Variants in CEP162 observed in about 807,000 individuals in gnomAD.
CEP162 encodes centrosomal protein 162, also known as centrosomal protein of 162 kDa.
A neutral mutation model predicts 169.2 loss-of-function variants in CEP162; 141 were observed. That is an observed-to-expected ratio of 0.83 (90% CI 0.73 to 0.96). The LOEUF (loss-of-function observed/expected upper bound fraction) is 0.96. Among genes scored for constraint, CEP162 ranks in the 40% least tolerant of loss-of-function variants. CEP162 has a pLI of 0.00. For synonymous variants in CEP162, 540 were observed against 526.4 expected, an observed-to-expected ratio of 1.03 and a Z score of -0.35; for missense variants, 1,600 against 1,587.2, an observed-to-expected ratio of 1.01 and a Z score of -0.14.
intron 10 of CEP162, 43 bp from the exon 11 acceptor site, chr6:84,193,733 G>A (rs1227647754): frequency 1.6e-6 from 2 of 1,265,764 alleles, no homozygotes; most frequent in African/African-American, 3.0e-5. Context: ...ATGTTATGTA[G>A]GTTGCTTAAT....
intron 9 of CEP162, among the ~76,000 whole-genome samples, chr6:84,197,427 T>C (rs889710668): frequency 6.6e-6 from 1 of 151,890 alleles, no homozygotes; most frequent in African/African-American, 2.4e-5. Context: ...TGAAAAGGGG[T>C]TCCTTATCTG....
chr6:84,134,728 T>C (rs564782541), intron 25 of CEP162, among the ~76,000 whole-genome samples: 1 of 152,230 alleles, frequency 6.6e-6, no homozygotes, highest in East Asian at 1.9e-4. Context: ...GTTGGAAATG[T>C]AGAAATCACT....
At chr6:84,194,150 T>A (rs2099541066) in intron 10 of CEP162, among the ~76,000 whole-genome samples, 1 of 151,684 alleles carries the variant, frequency 6.6e-6, no homozygotes. Flanking sequence ...AGGTCAGGAG[T>A]TCGAGAGCAG....
At chr6:84,196,079 C>G (rs2099542001) in intron 9 of CEP162, among the ~76,000 whole-genome samples, 1 of 152,116 alleles carries the variant, frequency 6.6e-6, no homozygotes, top group South Asian at 2.1e-4. Flanking sequence ...TCCCTATTAG[C>G]CTTCTGATAT....
rs530716294 is a variant in CEP162 at position 84,128,695 on chromosome 6, C to CT, written c.3871-2184dup. ...TGCACAGTTCCTAGTAAACATTAAA[C>CT]TTTTTTTTTTAAGTTATACTTTGTT... On this transcript the variant is annotated intron_variant, in intron 25 of 26. Transcript: ENST00000403245. Among the ~76,000 whole-genome samples, 955 of 149,548 alleles carry CT rather than the reference C, an allele frequency of 6.4e-3. 4 individuals are homozygous for CT. The highest frequency in any genetic ancestry group is 0.022 in the African/African-American group (914 of 40,846).
chr6:84,226,402 A>AT lies in CEP162; in HGVS notation c.-10dup. On this transcript the variant is annotated 5_prime_UTR_variant, in exon 2 of 27. The change abolishes the stop of an existing upstream ORF in the 5' untranslated region. Transcript: ENST00000403245. ...TGGGAACAGTTAGCCATAGTCAACA[A>AT]TTTTGACCTCCCAAAGTAAACATTC... 1 of 1,562,998 alleles carries AT rather than the reference A, an allele frequency of 6.4e-7. No homozygotes were observed. The highest frequency in any genetic ancestry group is 8.7e-7 in the Non-Finnish European group (1 of 1,149,816).
Position 84,224,676 on chromosome 6 carries a change from A to G in CEP162, c.57+1661T>C, listed in dbSNP as rs371923540. Among the ~76,000 whole-genome samples, 36 of 152,286 alleles carry G rather than the reference A, an allele frequency of 2.4e-4. 1 individual carries two copies. The South Asian group carries it at 7.2e-3, about 31-fold the overall frequency. ...GAAAAGTTAGCATGACTCTAAAATC[A>G]TGACTTTCACAGTAAAAAAAAAATG... On this transcript the variant is annotated intron_variant, in intron 2 of 26. Transcript: ENST00000403245.
intron 21 of CEP162, among the ~76,000 whole-genome samples, chr6:84,155,789 A>G (rs886739085): frequency 1.4e-4 from 21 of 152,318 alleles, no homozygotes; most frequent in African/African-American, 5.1e-4. Flanking sequence ...TAGTGTAGTT[A>G]AAATGACCAT....
At chr6:84,178,816 C>G (rs1247857374) in intron 13 of CEP162, among the ~76,000 whole-genome samples, 1 of 152,176 alleles carries the variant, frequency 6.6e-6, no homozygotes, top group Non-Finnish European at 1.5e-5. Context: ...CCGCTCCCCC[C>G]AACCCCACGA....
rs1415158141 is a variant in CEP162 at position 84,195,084 on chromosome 6, A to G, written c.836-9T>C. The G allele has an allele frequency of 6.5e-7, 1 of 1,549,290 alleles. No homozygotes were observed. Among genetic ancestry groups the G allele is most frequent in the East Asian group, 2.3e-5 (1 of 43,970 alleles). On this transcript the variant is annotated splice_polypyrimidine_tract_variant and intron_variant, in intron 9 of 26. Transcript: ENST00000403245. The stretch of plus-strand genomic sequence containing the variant: ...TTGTCCATAAGAAACACCTGTTGAA[A>G]TAAACGTAATCACCAGAAATAATTA...
At chr6:84,198,764 T>C (rs927614033) in intron 9 of CEP162, among the ~76,000 whole-genome samples, 1 of 152,312 alleles carries the variant, frequency 6.6e-6, no homozygotes, top group African/African-American at 2.4e-5. Flanking sequence ...AAATGTGCTA[T>C]GTACTATATA....
At chr6:84,156,328 C>G (rs982060893) in intron 21 of CEP162, among the ~76,000 whole-genome samples, 1 of 152,070 alleles carries the variant, frequency 6.6e-6, no homozygotes, top group Admixed American at 6.6e-5. Context: ...GGATTTATGA[C>G]CAAGTCTCCA....
chr6:84,201,654 G>C, intron 8 of CEP162, 83 bp downstream of exon 8: 1 of 676,672 alleles, frequency 1.5e-6, no homozygotes, highest in Non-Finnish European at 2.5e-6. Flanking sequence ...AACACAGATA[G>C]TGACTCATTC....
Position 84,194,974 on chromosome 6 carries a change from T to G in CEP162, c.937A>C (p.Ser313Arg). 1.2e-6 allele frequency: 2 copies of G among 1,613,634 alleles called. No homozygotes were observed. The highest frequency in any genetic ancestry group is 1.7e-6 in the Non-Finnish European group (2 of 1,179,662). ...LGDEDKQKIE[S>R]NTVEDIKSSV... The stretch of plus-strand genomic sequence containing the variant: ...CTCTTGATATCTTCCACTGTGTTAC[T>G]CTCAATTTTTTGTTTGTCTTCATCT... Residue 313 changes from serine to arginine, a missense_variant, in exon 10 of 27, where the codon AGT becomes CGT. Ser to Arg is a moderately radical substitution (Grantham distance 110). Transcript: ENST00000403245.
chr6:84,131,505 ACTTG>A (rs2099511413), intron 25 of CEP162, among the ~76,000 whole-genome samples: 2 of 152,084 alleles, frequency 1.3e-5, no homozygotes, highest in Admixed American at 6.6e-5. Context: ...GTCTCTAAGG[ACTTG>A]CTTTATGAAT....
chr6:84,131,060 T>C (rs2099511162), intron 25 of CEP162, among the ~76,000 whole-genome samples: 1 of 152,236 alleles, frequency 6.6e-6, no homozygotes, highest in South Asian at 2.1e-4. Flanking sequence ...GTCATGTCTT[T>C]GTTCTCACTG....
chr6:84,134,296 G>T (rs967114002), intron 25 of CEP162, among the ~76,000 whole-genome samples: 1 of 152,176 alleles, frequency 6.6e-6, no homozygotes, highest in African/African-American at 2.4e-5. Flanking sequence ...GCTGGGCTCT[G>T]TGGGGGTGGG....
At chr6:84,125,652 C>A (rs2099508630) in intron 26 of CEP162, among the ~76,000 whole-genome samples, 1 of 152,034 alleles carries the variant, frequency 6.6e-6, no homozygotes, top group Non-Finnish European at 1.5e-5. Flanking sequence ...TGATCTCTCG[C>A]CCCTCTTCCT....
At chr6:84,201,678 T>C in intron 8 of CEP162, 59 bp downstream of exon 8, 1 of 842,598 alleles carries the variant, frequency 1.2e-6, no homozygotes, top group Non-Finnish European at 1.9e-6. Context: ...ATTACTGAGA[T>C]GAAATTCTGA....
Sources: allele counts gnomAD v4.1 joint callset (sites outside exome capture counted in the v4.1 genomes callset), GRCh38; gene constraint gnomAD v4.1.1; transcripts MANE v1.5; gene names NCBI Gene and HGNC (gene_info 2026-07-23, HGNC 2026-07-21).